Variants in HSD17B12 observed in about 807,000 individuals in gnomAD.
HSD17B12 encodes very-long-chain 3-oxoacyl-CoA reductase.
HSD17B12 carries 32 observed loss-of-function variants against 39.3 expected under a neutral mutation model. That is an observed-to-expected ratio of 0.81 (90% CI 0.61 to 1.09). The LOEUF is 1.09. HSD17B12 is among the 50% of genes least tolerant of loss of function. The probability of loss-of-function intolerance (pLI) is 0.00; values close to 1 mark genes in which losing one functional copy is unlikely to be tolerated. For missense variants in HSD17B12, 342 were observed against 382.9 expected (o/e 0.89, Z 0.89); for synonymous variants, 150 against 146.7 (o/e 1.02, Z -0.16).
chr11:43,618,931 A>G, the HSD17B12 span, among the ~76,000 whole-genome samples: 5 of 151,880 alleles, frequency 3.3e-5, no homozygotes, highest in East Asian at 9.7e-4. Flanking sequence ...ATGAACGTCA[A>G]TAGGGCTCAG....
At chr11:43,682,610 T>C (rs1205376047) in intron 1 of HSD17B12, among the ~76,000 whole-genome samples, 2 of 151,694 alleles carry the variant, frequency 1.3e-5, no homozygotes, top group Admixed American at 6.6e-5. Flanking sequence ...AGATTATGAT[T>C]TCCCAATTGA....
chr11:43,630,961 C>T, the HSD17B12 span, among the ~76,000 whole-genome samples: 376 of 152,124 alleles, frequency 2.5e-3, 1 homozygote, highest in African/African-American at 8.3e-3. Context: ...TCCGCCACCA[C>T]GCCTGGCCCA....
At chr11:43,566,362 G>A in the HSD17B12 span, among the ~76,000 whole-genome samples, 2 of 152,174 alleles carry the variant, frequency 1.3e-5, no homozygotes, top group Admixed American at 1.3e-4. Context: ...TCTGAACTGT[G>A]TATCATCCTG....
intron 1 of HSD17B12, among the ~76,000 whole-genome samples, chr11:43,690,298 A>G (rs948020193): frequency 2.0e-5 from 3 of 148,598 alleles, no homozygotes; most frequent in African/African-American, 7.5e-5. Context: ...ATGTCTGTAC[A>G]CAGTAAGTGC....
At chr11:43,566,227 T>TGGGGCTCATTAAATA in the HSD17B12 span, among the ~76,000 whole-genome samples, 1 of 152,214 alleles carries the variant, frequency 6.6e-6, no homozygotes, top group East Asian at 1.9e-4. Context: ...TTAATAAATA[T>TGGGGCTCATTAAATA]GGGGCTCATT....
chr11:43,689,608 G>A lies in HSD17B12; in HGVS notation c.160+8621G>A, dbSNP rs531249626. Among the ~76,000 whole-genome samples, 14 of 152,234 alleles carry A rather than the reference G, an allele frequency of 9.2e-5. No individual in the cohort carries two copies. The East Asian group carries it at 2.3e-3, about 25-fold the overall frequency. ...GTCACCCAGGCTGGAGGGCTGTGGT[G>A]TGATCTCAGCTCACTGCAGCCTCTG... On this transcript the variant is annotated intron_variant, in intron 1 of 10. Coordinates refer to ENST00000278353, the MANE Select transcript of HSD17B12 (RefSeq NM_016142.3).
At chr11:43,828,170 T>C (rs1211043970) in intron 6 of HSD17B12, among the ~76,000 whole-genome samples, 1 of 142,942 alleles carries the variant, frequency 7.0e-6, no homozygotes, top group East Asian at 2.1e-4. Context: ...TGAGACGGAG[T>C]CTCGCTCTGT....
intron 5 of HSD17B12, among the ~76,000 whole-genome samples, chr11:43,815,820 G>T (rs1448230380): frequency 6.6e-6 from 1 of 152,136 alleles, no homozygotes; most frequent in East Asian, 1.9e-4. Flanking sequence ...AAATAGCTCT[G>T]TTGTAAGTTT....
intron 1 of HSD17B12, among the ~76,000 whole-genome samples, chr11:43,686,411 G>T (rs1190243270): frequency 6.6e-6 from 1 of 152,178 alleles, no homozygotes; most frequent in Non-Finnish European, 1.5e-5. Flanking sequence ...TCAAGTACTA[G>T]TGCTGGAGTC....
the HSD17B12 span, among the ~76,000 whole-genome samples, chr11:43,566,225 T>C: frequency 6.6e-6 from 1 of 152,200 alleles, no homozygotes; most frequent in Admixed American, 6.5e-5. Flanking sequence ...GGTTAATAAA[T>C]ATGGGGCTCA....
At chr11:43,619,515 G>A in the HSD17B12 span, among the ~76,000 whole-genome samples, 1 of 150,378 alleles carries the variant, frequency 6.6e-6, no homozygotes, top group Non-Finnish European at 1.5e-5. Flanking sequence ...TCAGCCTCCC[G>A]AGTAGCGGGG....
the HSD17B12 span, among the ~76,000 whole-genome samples, chr11:43,655,527 A>T: frequency 6.6e-6 from 1 of 152,064 alleles, no homozygotes; most frequent in Non-Finnish European, 1.5e-5. Context: ...ATTCAGTATG[A>T]TATTGGCTGT....
the HSD17B12 span, among the ~76,000 whole-genome samples, chr11:43,587,004 C>G: frequency 6.6e-6 from 1 of 152,030 alleles, no homozygotes; most frequent in Non-Finnish European, 1.5e-5. Context: ...GTGAAAGATA[C>G]AAATAGGTTA....
intron 1 of HSD17B12, among the ~76,000 whole-genome samples, chr11:43,690,081 A>T (rs770454673): frequency 1.3e-5 from 2 of 151,666 alleles, no homozygotes; most frequent in African/African-American, 4.8e-5. Context: ...CACCTTTTCA[A>T]TGGAACCGCC....
intron 1 of HSD17B12, among the ~76,000 whole-genome samples, chr11:43,716,194 G>T (rs1950121342): frequency 6.6e-6 from 1 of 152,126 alleles, no homozygotes; most frequent in Admixed American, 6.5e-5. Flanking sequence ...GTTTTCTTCT[G>T]TGCTTTTGAG....
the HSD17B12 span, among the ~76,000 whole-genome samples, chr11:43,675,278 T>C: frequency 2.5e-4 from 38 of 152,338 alleles, no homozygotes; most frequent in Non-Finnish European, 4.4e-4. Context: ...GGGAAAGTTA[T>C]GAAGGGAGGT....
intron 1 of HSD17B12, among the ~76,000 whole-genome samples, chr11:43,740,150 C>G (rs1325420087): frequency 2.0e-5 from 3 of 152,048 alleles, no homozygotes; most frequent in Non-Finnish European, 4.4e-5. Context: ...GGAAATGTAA[C>G]TTCTTGGCAG....
intron 1 of HSD17B12, among the ~76,000 whole-genome samples, chr11:43,747,947 C>T (rs181523325): frequency 8.4e-4 from 127 of 152,088 alleles, no homozygotes; most frequent in African/African-American, 2.9e-3. Flanking sequence ...GAGTACCCTG[C>T]GGGTGGTGTT....
At chr11:43,790,366 A>T (rs1950856000) in intron 3 of HSD17B12, among the ~76,000 whole-genome samples, 1 of 152,218 alleles carries the variant, frequency 6.6e-6, no homozygotes, top group Admixed American at 6.5e-5. Context: ...AATACAGATT[A>T]TACCTACAGC....
Sources: gnomAD v4.1 joint callset for allele counts (sites outside exome capture counted in the v4.1 genomes callset) on GRCh38, gnomAD v4.1.1 for gene constraint, MANE v1.5 for transcripts, NCBI Gene and HGNC (gene_info 2026-07-23, HGNC 2026-07-21) for gene names.